DENND1A: variants seen among roughly 807,000 people sequenced by gnomAD.
DENND1A encodes the protein DENN domain-containing protein 1A.
A neutral mutation model predicts 113.7 loss-of-function variants in DENND1A; 51 were observed. That is an observed-to-expected ratio of 0.45 (90% CI 0.36 to 0.57). DENND1A has a LOEUF of 0.57. Among genes scored for constraint, DENND1A ranks in the 20% least tolerant of loss-of-function variants. The pLI, the probability that DENND1A is intolerant of heterozygous loss-of-function variation, is 0.00. For synonymous variants in DENND1A, 565 were observed against 570.8 expected, an observed-to-expected ratio of 0.99 and a Z score of 0.14; for missense variants, 1,258 against 1,395.9, an observed-to-expected ratio of 0.90 and a Z score of 1.57.
intron 13 of DENND1A, among the ~76,000 whole-genome samples, chr9:123,533,749 A>G (rs930509148): frequency 1.3e-5 from 2 of 152,196 alleles, no homozygotes; most frequent in African/African-American, 4.8e-5. Context: ...TTCTTTCTAG[A>G]AAGGTCAGTA....
At chr9:123,552,440 A>G (rs1369420212) in intron 13 of DENND1A, among the ~76,000 whole-genome samples, 2 of 152,250 alleles carry the variant, frequency 1.3e-5, no homozygotes, top group Non-Finnish European at 2.9e-5. Flanking sequence ...GCAGAAGCAG[A>G]GCAGACAGGA....
intron 2 of DENND1A, among the ~76,000 whole-genome samples, chr9:123,870,782 T>C (rs1846470026): frequency 6.6e-6 from 1 of 152,064 alleles, no homozygotes; most frequent in African/African-American, 2.4e-5. Context: ...TTGTCCAACC[T>C]GGGCAAGTAA....
At chr9:123,619,807 T>G (rs2060846955) in intron 10 of DENND1A, among the ~76,000 whole-genome samples, 1 of 152,096 alleles carries the variant, frequency 6.6e-6, no homozygotes, top group African/African-American at 2.4e-5. Flanking sequence ...GAAAAGACAG[T>G]TTTCCTATAG....
chr9:123,566,426 G>A (rs1282425477), intron 12 of DENND1A, among the ~76,000 whole-genome samples: 6 of 152,126 alleles, frequency 3.9e-5, no homozygotes, highest in African/African-American at 7.2e-5. Flanking sequence ...CTACGAGCCC[G>A]GGTCTCTGCT....
At chr9:123,673,146 G>A (rs760075968) in intron 6 of DENND1A, among the ~76,000 whole-genome samples, 5 of 152,150 alleles carry the variant, frequency 3.3e-5, no homozygotes, top group African/African-American at 1.2e-4. Context: ...CATGATGTTT[G>A]CTTTCATCAA....
intron 8 of DENND1A, among the ~76,000 whole-genome samples, chr9:123,658,204 CCAA>C: frequency 6.6e-6 from 1 of 152,074 alleles, no homozygotes; most frequent in East Asian, 1.9e-4. Context: ...TGGTATGACA[CCAA>C]CGAGATAATT....
chr9:123,437,726 C>T (rs2046631236), intron 19 of DENND1A: 1 of 152,050 alleles, frequency 6.6e-6, no homozygotes, highest in Admixed American at 6.6e-5. Flanking sequence ...TGGCCCTGGG[C>T]AGGTTCTCTC....
At chr9:123,539,489 T>C (rs1386881638) in intron 13 of DENND1A, among the ~76,000 whole-genome samples, 2 of 152,060 alleles carry the variant, frequency 1.3e-5, no homozygotes, top group African/African-American at 4.8e-5. Flanking sequence ...AAGGAAGTGA[T>C]TACCATGAAA....
intron 21 of DENND1A, among the ~76,000 whole-genome samples, chr9:123,396,795 G>GT (rs2043162310): frequency 6.6e-6 from 1 of 152,220 alleles, no homozygotes; most frequent in African/African-American, 2.4e-5. Context: ...TCGGACACAT[G>GT]TTTGAATGCC....
At chr9:123,813,307 A>C (rs1836934046) in intron 2 of DENND1A, among the ~76,000 whole-genome samples, 1 of 151,958 alleles carries the variant, frequency 6.6e-6, no homozygotes, top group East Asian at 1.9e-4. Flanking sequence ...CTTTCGTAAG[A>C]CTTCTAAAAA....
chr9:123,514,859 G>A (rs1051847138), intron 13 of DENND1A, among the ~76,000 whole-genome samples: 1 of 152,146 alleles, frequency 6.6e-6, no homozygotes, highest in Non-Finnish European at 1.5e-5. Context: ...CCTAGATCTT[G>A]GTTTCTAAGT....
intron 5 of DENND1A, among the ~76,000 whole-genome samples, chr9:123,692,185 C>A (rs769524602): frequency 6.6e-6 from 1 of 152,176 alleles, no homozygotes; most frequent in African/African-American, 2.4e-5. Flanking sequence ...CAAAATAACA[C>A]AAAGTACCTA....
chr9:123,410,849 C>T (rs1300221910), intron 20 of DENND1A, among the ~76,000 whole-genome samples: 2 of 152,126 alleles, frequency 1.3e-5, no homozygotes, highest in Admixed American at 6.5e-5. Context: ...AAACTTTTCC[C>T]TTGGTAAACA....
chr9:123,554,361 C>T (rs2057304008), intron 13 of DENND1A, among the ~76,000 whole-genome samples: 1 of 152,150 alleles, frequency 6.6e-6, no homozygotes, highest in South Asian at 2.1e-4. Context: ...GCTGGGACCA[C>T]AGGCATGTGA....
chr9:123,835,282 C>T (rs538946135), intron 2 of DENND1A, among the ~76,000 whole-genome samples: 16 of 152,204 alleles, frequency 1.1e-4, no homozygotes, highest in Non-Finnish European at 1.9e-4. Flanking sequence ...TTAGAAATAA[C>T]GAAGAGGAAG....
At chr9:123,463,389 G>A (rs2048690315) in intron 13 of DENND1A, among the ~76,000 whole-genome samples, 1 of 152,152 alleles carries the variant, frequency 6.6e-6, no homozygotes, top group Non-Finnish European at 1.5e-5. Context: ...GATACTTCCA[G>A]AAATAAATGA....
chr9:123,712,612 C>A (rs1412418275), intron 5 of DENND1A, among the ~76,000 whole-genome samples: 11 of 152,200 alleles, frequency 7.2e-5, no homozygotes, highest in African/African-American at 1.9e-4. Flanking sequence ...ATGACATAGA[C>A]CAGGCACCAG....
rs755035286 is a variant in DENND1A, at chr9:123,381,636, C to T, written c.3009G>A (p.Leu1003=). ...RAAETKQGLA[L]RPGDPPLLPP... is the part of the protein sequence containing the mutation. ...GCAGAAGCGGGGGGTCTCCAGGCCT[C>T]AGGGCCAGCCCCTGCTTGGTCTCAG... The change falls in exon 24 of 24, where the codon CTG becomes CTA. Residue 1003 remains leucine (L), a synonymous_variant. Coordinates refer to ENST00000394215, the MANE Select transcript of DENND1A (RefSeq NM_001352964.2). This position sits in a 1 kb window ranked among gnomAD's most constrained non-coding sequence, Gnocchi z 4.7. 1.2e-6 allele frequency: 2 copies of T among 1,610,910 alleles called. No individual in the cohort carries two copies. Among genetic ancestry groups the T allele is most frequent in the Non-Finnish European group, 1.7e-6 (2 of 1,178,954 alleles).
At chr9:123,681,402 G>A (rs2064446444) in intron 5 of DENND1A, among the ~76,000 whole-genome samples, 1 of 152,080 alleles carries the variant, frequency 6.6e-6, no homozygotes, top group Admixed American at 6.5e-5. Flanking sequence ...GGCAGCAGCA[G>A]CTCTGCCTAA....
Sources: allele counts gnomAD v4.1 joint callset (sites outside exome capture counted in the v4.1 genomes callset), GRCh38; gene constraint gnomAD v4.1.1; non-coding constraint Gnocchi (gnomAD v3.1); transcripts MANE v1.5; gene names NCBI Gene and HGNC (gene_info 2026-07-23, HGNC 2026-07-21).